CELSR1: variants seen among roughly 807,000 people sequenced by gnomAD.
CELSR1 encodes the protein adhesion G protein-coupled receptor C1.
Under a neutral mutation model 249.1 loss-of-function variants are expected in CELSR1, and 110 were observed. The ratio of observed to expected loss-of-function variants is 0.44; its 90% confidence interval spans 0.38 to 0.52. The LOEUF (loss-of-function observed/expected upper bound fraction) is 0.52, where lower values mean the gene tolerates loss of function less well. Ranked by LOEUF, CELSR1 falls within the 20% of genes least tolerant of loss-of-function variation. CELSR1 has a pLI of 0.00. For missense variants in CELSR1, 4,109 were observed against 4,296.4 expected, an observed-to-expected ratio of 0.96 and a Z score of 1.22; for synonymous variants, 2,113 against 1,900.0, an observed-to-expected ratio of 1.11 and a Z score of -2.92.
At chr22:46,364,960 T>A (rs1178523989) in intron 32 of CELSR1, among the ~76,000 whole-genome samples, 1 of 152,114 alleles carries the variant, frequency 6.6e-6, no homozygotes, top group Non-Finnish European at 1.5e-5. Context: ...TACAGGCTAA[T>A]CCCCCACTGG....
At position 46,363,966 on chromosome 22, in the gene CELSR1, A is replaced by C. The variant is rs2078734816; in HGVS notation, c.9035+30T>G. 6.4e-7 allele frequency: 1 copy of C among 1,551,462 alleles called. No homozygotes were observed. The highest frequency in any genetic ancestry group is 8.7e-7 in the Non-Finnish European group (1 of 1,150,266). ...ACTCAGGACAAGGGGGAAGTGGGTG[A>C]TCCCCGCCCTGGAGGCCCAGGCTAC... On this transcript the variant is annotated intron_variant, in intron 34 of 34. Transcript: ENST00000674500. The surrounding 1 kb of genome is among the most constrained non-coding windows in gnomAD (Gnocchi z 4.3).
intron 18 of CELSR1, among the ~76,000 whole-genome samples, 197 bp from the exon 19 acceptor site, chr22:46,386,782 C>T (rs899556682): frequency 6.6e-6 from 1 of 151,996 alleles, no homozygotes. Context: ...AGACACACTT[C>T]CGCTCTTGTC....
At chr22:46,470,132 G>T (rs1198478342) in intron 1 of CELSR1, among the ~76,000 whole-genome samples, 3 of 148,546 alleles carry the variant, frequency 2.0e-5, no homozygotes, top group Non-Finnish European at 4.5e-5. Flanking sequence ...TTTTTTTTAG[G>T]GTCCACTACA....
chr22:46,407,329 A>G lies in CELSR1; in HGVS notation c.5226+1667T>C, dbSNP rs765426850. 3.5e-4 allele frequency among the ~76,000 whole-genome samples: 54 copies of G among 152,162 alleles called. No homozygotes were observed. The highest frequency in any genetic ancestry group is 6.8e-4 in the Non-Finnish European group (46 of 67,974). The stretch of plus-strand genomic sequence containing the variant: ...CACACACTTGCACGGAGATATGCGC[A>G]CACACACACACAAACTTGGAGAAAA... On this transcript the variant is annotated intron_variant, in intron 9 of 34. Transcript: ENST00000674500. This position sits in a 1 kb window ranked among gnomAD's most constrained non-coding sequence, Gnocchi z 4.8.
intron 1 of CELSR1, among the ~76,000 whole-genome samples, chr22:46,475,984 T>C (rs1414295344): frequency 2.0e-5 from 3 of 152,106 alleles, no homozygotes; most frequent in South Asian, 2.1e-4. Context: ...CACATCAACA[T>C]AGCCAGCCCA....
At position 46,399,773 on chromosome 22, in the gene CELSR1, CCTT is replaced by C. The variant is rs2079191181; in HGVS notation, c.5353_5355del (p.Lys1785del). The C allele has an allele frequency of 1.2e-6, 2 of 1,613,984 alleles. No homozygotes were observed. Among genetic ancestry groups the C allele is most frequent in the Non-Finnish European group, 8.5e-7 (1 of 1,179,994 alleles). Reference sequence around the variant, plus strand: ...ACCAGGTGCTTCATCTCACTGTCCTCCTTAACATTCTTCAGCTCGATCAGCAGG... The same window carrying C: ...ACCAGGTGCTTCATCTCACTGTCCTCAACATTCTTCAGCTCGATCAGCAGG... On this transcript the variant is annotated inframe_deletion, in exon 10 of 35. Coordinates refer to ENST00000674500, the MANE Select transcript of CELSR1 (RefSeq NM_001378328.1). The surrounding 1 kb of genome is among the most constrained non-coding windows in gnomAD (Gnocchi z 5.0).
At chr22:46,379,892 T>A (rs1380469735) in intron 22 of CELSR1, among the ~76,000 whole-genome samples, 1 of 152,200 alleles carries the variant, frequency 6.6e-6, no homozygotes, top group African/African-American at 2.4e-5. Flanking sequence ...TCCCTGACTG[T>A]GCTCCCATCC....
At chr22:46,519,411 T>C (rs1425045312) in intron 1 of CELSR1, among the ~76,000 whole-genome samples, 4 of 152,204 alleles carry the variant, frequency 2.6e-5, no homozygotes, top group Non-Finnish European at 5.9e-5. Flanking sequence ...GACCCAAGGC[T>C]TGGTCATGAA....
Position 46,537,106 on chromosome 22 carries a change from G to C in CELSR1, c.65C>G (p.Pro22Arg). The C allele has an allele frequency of 3.8e-6, 4 of 1,039,470 alleles. No individual in the cohort carries two copies. Among genetic ancestry groups the C allele is most frequent in the Non-Finnish European group, 4.6e-6 (4 of 868,268 alleles). The allele number at this position is 1,039,470 out of a possible 1,614,324, so 64.4% of individuals were successfully genotyped here. Residue 22 changes from proline (P) to arginine (R), a missense_variant, in exon 1 of 35, where the codon CCG becomes CGG. Pro to Arg is a moderately radical substitution (Grantham distance 103). This residue lies in a region of CELSR1 where 673 missense variants were observed against 636.8 expected (regional missense o/e 1.06). Transcript: ENST00000674500. This position sits in a 1 kb window ranked among gnomAD's most constrained non-coding sequence, Gnocchi z 5.8. ...LLLLAAAAAL[P>R]AMGLRAAAWE... The stretch of plus-strand genomic sequence containing the variant: ...GGCGGCCGCTCGCAGCCCCATCGCC[G>C]GCAGGGCGGCGGCGGCGGCCAGGAG...
chr22:46,399,849 C>T lies in CELSR1; in HGVS notation c.5280G>A (p.Glu1760=), dbSNP rs1465748383. 1.9e-6 allele frequency: 3 copies of T among 1,614,172 alleles called. No individual in the cohort carries two copies. The highest frequency in any genetic ancestry group is 1.7e-6 in the Non-Finnish European group (2 of 1,179,998). ...CCCGCAACCCGGACAGCATCACGGA[C>T]TCCACATCGGAGGGGCCGTGGGACA... is the stretch of plus-strand genomic sequence containing the variant. The part of the protein sequence containing the change: ...FEVSHGPSDV[E]SVMLSGLRVT... Residue 1760 remains glutamate (E), a synonymous_variant, in exon 10 of 35, where the codon GAG becomes GAA. Transcript: ENST00000674500. This position sits in a 1 kb window ranked among gnomAD's most constrained non-coding sequence, Gnocchi z 5.0.
At position 46,391,619 on chromosome 22, in the gene CELSR1, G is replaced by C; in HGVS notation, c.6148+14C>G. On this transcript the variant is annotated intron_variant, in intron 15 of 34. Transcript: ENST00000674500. The surrounding 1 kb of genome is among the most constrained non-coding windows in gnomAD (Gnocchi z 4.3). The stretch of plus-strand genomic sequence containing the variant: ...CGCGCTGTAACCTGCAGGGTGTCGA[G>C]GGGCAACGCGGACCTTCACAGCCGA... 6.3e-7 allele frequency: 1 copy of C among 1,580,380 alleles called. No individual in the cohort carries two copies. Among genetic ancestry groups the C allele is most frequent in the Non-Finnish European group, 8.6e-7 (1 of 1,168,248 alleles).
intron 5 of CELSR1, among the ~76,000 whole-genome samples, chr22:46,415,370 G>A (rs1157054084): frequency 1.3e-5 from 2 of 152,058 alleles, no homozygotes; most frequent in African/African-American, 2.4e-5. Context: ...GGCTGGTCTC[G>A]AACTCCTGAC....
At chr22:46,416,490 G>GCAGCGCACACAGTGACTGGAGA (rs1342369203) in intron 5 of CELSR1, among the ~76,000 whole-genome samples, 1 of 152,242 alleles carries the variant, frequency 6.6e-6, no homozygotes. Flanking sequence ...AGCAAGGCAG[G>GCAGCGCACACAGTGACTGGAGA]CAGCGCACAC....
rs1569211398 is a variant in CELSR1 at position 46,512,557 on chromosome 22, G to A, written c.3544+21070C>T. On this transcript the variant is annotated intron_variant, in intron 1 of 34. Coordinates refer to ENST00000674500, the MANE Select transcript of CELSR1 (RefSeq NM_001378328.1). This position sits in a 1 kb window ranked among gnomAD's most constrained non-coding sequence, Gnocchi z 5.2. ...ACTGCACTCCAGCCTGGGTGAAAGA[G>A]TGAGACTCCATCTCAACAACAACAA... Among the ~76,000 whole-genome samples the A allele has an allele frequency of 6.6e-6, 1 of 152,152 alleles. No homozygotes were observed. The highest frequency in any genetic ancestry group is 1.5e-5 in the Non-Finnish European group (1 of 68,036).
intron 9 of CELSR1, among the ~76,000 whole-genome samples, chr22:46,405,231 C>T (rs1432727860): frequency 2.0e-5 from 3 of 150,580 alleles, no homozygotes; most frequent in African/African-American, 7.3e-5. Flanking sequence ...GAGGCTGAGG[C>T]GGGTGGATCA....
In CELSR1 at chr22:46,423,157, G is replaced by A. The variant is rs1049130091; in HGVS notation, c.4611+10236C>T. Among the ~76,000 whole-genome samples the A allele has an allele frequency of 5.3e-5, 8 of 152,224 alleles. No individual in the cohort carries two copies. The highest frequency in any genetic ancestry group is 1.2e-4 in the Non-Finnish European group (8 of 68,038). On this transcript the variant is annotated intron_variant, in intron 5 of 34. Transcript: ENST00000674500. This position sits in a 1 kb window ranked among gnomAD's most constrained non-coding sequence, Gnocchi z 5.6. ...AGGAACCCCCTGCCACCAAGTGAAC[G>A]GCCAGGGTGGCCTGCTGGAAGATGA... is the stretch of plus-strand genomic sequence containing the variant.
In CELSR1 at chr22:46,393,990, G is replaced by A. The variant is rs2079121880; in HGVS notation, c.5964+152C>T. On this transcript the variant is annotated intron_variant, in intron 14 of 34. Transcript: ENST00000674500. The surrounding 1 kb of genome is among the most constrained non-coding windows in gnomAD (Gnocchi z 4.1). ...AGCAAGGAAACCAAAAACCACATCT[G>A]TACACAAATGTGATGTGAGTGGGCA... 2 of 1,054,602 alleles carry A rather than the reference G, an allele frequency of 1.9e-6. No homozygotes were observed. The highest frequency in any genetic ancestry group is 2.7e-6 in the Non-Finnish European group (2 of 745,534). The allele number at this position is 1,054,602 out of a possible 1,614,324, so 65.3% of individuals were successfully genotyped here.
In CELSR1 at chr22:46,484,078, G is replaced by T. The variant is rs1186322442; in HGVS notation, c.3545-19733C>A. On this transcript the variant is annotated intron_variant, in intron 1 of 34. Coordinates refer to ENST00000674500, the MANE Select transcript of CELSR1 (RefSeq NM_001378328.1). The surrounding 1 kb of genome is among the most constrained non-coding windows in gnomAD (Gnocchi z 4.5). ...AGGCTCCCACGGGCTCCCACGCTCT[G>T]CCCTGGCTCTCAGACTCACCTGTAG... 6.6e-6 allele frequency among the ~76,000 whole-genome samples: 1 copy of T among 152,196 alleles called. No individual in the cohort carries two copies. Among genetic ancestry groups the T allele is most frequent in the African/African-American group, 2.4e-5 (1 of 41,454 alleles).
At chr22:46,510,969 G>T (rs1374982103) in intron 1 of CELSR1, among the ~76,000 whole-genome samples, 1 of 152,054 alleles carries the variant, frequency 6.6e-6, no homozygotes, top group Non-Finnish European at 1.5e-5. Flanking sequence ...AGAAAAATTC[G>T]CTGGGCATGG....
Sources: allele counts gnomAD v4.1 joint callset (sites outside exome capture counted in the v4.1 genomes callset), GRCh38; gene constraint gnomAD v4.1.1; regional missense constraint gnomAD v4.1.1; non-coding constraint Gnocchi (gnomAD v3.1); transcripts MANE v1.5; gene names NCBI Gene and HGNC (gene_info 2026-07-23, HGNC 2026-07-21).